CLPB: variants seen among roughly 807,000 people sequenced by gnomAD.
The protein encoded by CLPB is ClpB family mitochondrial disaggregase.
A neutral mutation model predicts 78.4 loss-of-function variants in CLPB; 40 were observed. The ratio of observed to expected loss-of-function variants is 0.51; its 90% CI spans 0.40 to 0.66. The LOEUF (loss-of-function observed/expected upper bound fraction) is 0.66. Among genes scored for constraint, CLPB ranks in the 30% least tolerant of loss-of-function variants. The pLI, the probability that CLPB is intolerant of heterozygous loss-of-function variation, is 0.00. For synonymous variants in CLPB, 333 were observed against 348.0 expected (o/e 0.96, Z 0.48); for missense variants, 780 against 886.9 (o/e 0.88, Z 1.53).
chr11:72,309,045 T>C (rs1949796393), intron 7 of CLPB, among the ~76,000 whole-genome samples: 1 of 152,060 alleles, frequency 6.6e-6, no homozygotes, highest in Admixed American at 6.6e-5. Context: ...CTTGGGGATG[T>C]GGGGTGTGAG....
intron 2 of CLPB, among the ~76,000 whole-genome samples, chr11:72,428,350 C>G (rs1856448528): frequency 6.6e-6 from 1 of 152,194 alleles, no homozygotes; most frequent in Non-Finnish European, 1.5e-5. Flanking sequence ...GGTCATTCCC[C>G]TGCTCAAAAA....
Position 72,367,615 on chromosome 11 carries a change from G to A in CLPB, c.647-8607C>T, listed in dbSNP as rs575184249. Among the ~76,000 whole-genome samples the A allele has an allele frequency of 1.2e-4, 19 of 152,256 alleles. No individual in the cohort carries two copies. The South Asian group carries it at 3.3e-3, about 27-fold the overall frequency. On this transcript the variant is annotated intron_variant, in intron 4 of 15. Transcript: ENST00000538039. The stretch of plus-strand genomic sequence containing the variant: ...AGACACCAGGAACTCTTAGAGGAGG[G>A]AGGGATGAAGGGGGGCACGGGTTGA...
intron 5 of CLPB, among the ~76,000 whole-genome samples, chr11:72,340,779 G>T (rs1246998767): frequency 3.3e-5 from 5 of 152,204 alleles, no homozygotes; most frequent in African/African-American, 4.8e-5. Context: ...AACCTTGGTT[G>T]TTACTGAACT....
At position 72,308,526 on chromosome 11, in the gene CLPB, C is replaced by T. The variant is rs1555087619; in HGVS notation, c.1066+1G>A. 2 of 1,613,918 alleles carry T rather than the reference C, an allele frequency of 1.2e-6. No homozygotes were observed. Among genetic ancestry groups the T allele is most frequent in the Admixed American group, 1.7e-5 (1 of 60,022 alleles). Reference sequence around the variant, plus strand: ...CCACTGGCTGATCTGCTCCCAATTACCTATTCCAGATGATCCCAAGAAGAG... The same window carrying T: ...CCACTGGCTGATCTGCTCCCAATTATCTATTCCAGATGATCCCAAGAAGAG... On this transcript the variant is annotated splice_donor_variant, in intron 8 of 15. Coordinates refer to ENST00000538039, the MANE Select transcript of CLPB (RefSeq NM_001258392.3). LOFTEE classifies it high-confidence loss of function.
chr11:72,354,901 G>A (rs544474433), intron 5 of CLPB, among the ~76,000 whole-genome samples: 3 of 152,110 alleles, frequency 2.0e-5, no homozygotes, highest in East Asian at 1.9e-4. Context: ...CCCCCTGTTC[G>A]TCCCCAGAGC....
chr11:72,338,429 C>G (rs187848894), intron 5 of CLPB, among the ~76,000 whole-genome samples: 1 of 152,320 alleles, frequency 6.6e-6, no homozygotes, highest in Non-Finnish European at 1.5e-5. Flanking sequence ...GAACCCACGC[C>G]TACTAGTCCA....
intron 11 of CLPB, among the ~76,000 whole-genome samples, chr11:72,301,481 C>T (rs1433727992): frequency 1.3e-5 from 2 of 152,176 alleles, no homozygotes; most frequent in African/African-American, 2.4e-5. Flanking sequence ...GCCAAGGCCA[C>T]AAAGCCAGTC....
intron 2 of CLPB, among the ~76,000 whole-genome samples, chr11:72,416,735 C>CAAAAAAA (rs35655496): frequency 2.8e-3 from 134 of 48,098 alleles, no homozygotes; most frequent in Middle Eastern, 0.019. Context: ...GACTCCGTCT[C>CAAAAAAA]AAAAAAAAAA....
chr11:72,301,382 C>T (rs1453417550), intron 11 of CLPB, among the ~76,000 whole-genome samples: 1 of 152,230 alleles, frequency 6.6e-6, no homozygotes, highest in Non-Finnish European at 1.5e-5. Context: ...CAAGAGCTGT[C>T]TGAGGCAGAA....
intron 9 of CLPB, among the ~76,000 whole-genome samples, chr11:72,305,566 G>A (rs1949732335): frequency 6.6e-6 from 1 of 152,162 alleles, no homozygotes; most frequent in African/African-American, 2.4e-5. Context: ...ACCTGCCTAG[G>A]GCCAGTAGAA....
chr11:72,320,920 C>G (rs532668455), intron 6 of CLPB, among the ~76,000 whole-genome samples: 1 of 152,182 alleles, frequency 6.6e-6, no homozygotes, highest in South Asian at 2.1e-4. Flanking sequence ...ACCATGTTGG[C>G]CAGGCTGGTC....
chr11:72,358,022 G>T (rs1950752994), intron 5 of CLPB, among the ~76,000 whole-genome samples: 1 of 152,148 alleles, frequency 6.6e-6, no homozygotes, highest in Admixed American at 6.5e-5. Flanking sequence ...ACACATCCTG[G>T]CCAGATGCTT....
intron 2 of CLPB, among the ~76,000 whole-genome samples, chr11:72,413,431 C>A (rs1390316454): frequency 1.3e-5 from 2 of 151,974 alleles, no homozygotes; most frequent in Non-Finnish European, 2.9e-5. Flanking sequence ...AGATACTATG[C>A]CCCTTTACCT....
In CLPB at chr11:72,286,924, A is replaced by C. The variant is rs1216002760; in HGVS notation, c.*6443T>G. The C allele has an allele frequency of 6.6e-6, 1 of 152,142 alleles. No individual in the cohort carries two copies. The highest frequency in any genetic ancestry group is 1.5e-5 in the Non-Finnish European group (1 of 68,026). 9.4% of individuals were successfully genotyped at this position (152,142 alleles called of 1,614,324 possible). On this transcript the variant is annotated 3_prime_UTR_variant, in exon 16 of 16. Transcript: ENST00000538039. Reference sequence around the variant, plus strand: ...TGAAAACAAGGACGTTCTCTTCTGTAATCATAGTATAATTATCAAAATGAG... The same window carrying C: ...TGAAAACAAGGACGTTCTCTTCTGTCATCATAGTATAATTATCAAAATGAG...
chr11:72,411,565 T>C (rs1051417705), intron 2 of CLPB, among the ~76,000 whole-genome samples: 2 of 152,268 alleles, frequency 1.3e-5, no homozygotes, highest in African/African-American at 4.8e-5. Context: ...TTGAGTAGAT[T>C]CCTAGCAGAC....
intron 4 of CLPB, among the ~76,000 whole-genome samples, chr11:72,373,535 C>T (rs1276544650): frequency 6.6e-6 from 1 of 152,182 alleles, no homozygotes; most frequent in Non-Finnish European, 1.5e-5. Context: ...CAGCTATGAT[C>T]CTCATACTTC....
At chr11:72,336,395 CTG>C (rs1227446791) in intron 5 of CLPB, among the ~76,000 whole-genome samples, 1 of 152,190 alleles carries the variant, frequency 6.6e-6, no homozygotes, top group Non-Finnish European at 1.5e-5. Flanking sequence ...GCCCTTCCCT[CTG>C]AGAGCACTGG....
rs1949437111 is a variant in CLPB, at chr11:72,290,400, T to C, written c.*2967A>G. 1 of 152,196 alleles carries C rather than the reference T, an allele frequency of 6.6e-6. No homozygotes were observed. Among genetic ancestry groups the C allele is most frequent in the African/African-American group, 2.4e-5 (1 of 41,458 alleles). The allele number at this position is 152,196 out of a possible 1,614,324, so 9.4% of individuals were successfully genotyped here. ...ATGGGGAAAAGGGACAGCTCTTCCTTATAGTAGAATACCAATTAATAAATA... is the reference window on the plus strand; with the variant it reads ...ATGGGGAAAAGGGACAGCTCTTCCTCATAGTAGAATACCAATTAATAAATA... On this transcript the variant is annotated 3_prime_UTR_variant, in exon 16 of 16. Transcript: ENST00000538039.
chr11:72,286,095 C>T lies in CLPB; in HGVS notation c.*7272G>A, dbSNP rs1949383898. ...CACAGGTGGATGCCACCACAACCAG[C>T]TAATTTTTTGCAGAGATGGGGTTTC... On this transcript the variant is annotated 3_prime_UTR_variant, in exon 16 of 16. Transcript: ENST00000538039. The T allele has an allele frequency of 6.6e-6, 1 of 151,840 alleles. No homozygotes were observed. Among genetic ancestry groups the T allele is most frequent in the South Asian group, 2.1e-4 (1 of 4,816 alleles). The allele number at this position is 151,840 out of a possible 1,614,324, so 9.4% of individuals were successfully genotyped here.
Sources: gnomAD v4.1 joint callset for allele counts (sites outside exome capture counted in the v4.1 genomes callset) on GRCh38, gnomAD v4.1.1 for gene constraint, MANE v1.5 for transcripts, NCBI Gene and HGNC (gene_info 2026-07-23, HGNC 2026-07-21) for gene names.